The following DMD variants were observed in gnomAD, a reference collection of about 807,000 sequenced individuals.
DMD encodes the protein dystrophin, also known as mutant dystrophin.
DMD carries 63 observed loss-of-function variants against 330.1 expected under a neutral mutation model. The observed-to-expected ratio is 0.19, with a 90% CI of 0.16 to 0.24. DMD has a LOEUF of 0.24. Ranked by LOEUF, DMD falls within the 10% of genes least tolerant of loss-of-function variation. DMD has a pLI of 1.00. For missense variants in DMD, 3,344 were observed against 2,684.1 expected, an observed-to-expected ratio of 1.25 and a Z score of -5.43; for synonymous variants, 1,223 against 959.8, an observed-to-expected ratio of 1.27 and a Z score of -5.07.
chrX:31,153,011 T>C (rs903461909), intron 74 of DMD, among the ~76,000 whole-genome samples: 1 of 112,477 alleles, frequency 8.9e-6, no homozygotes. Flanking sequence ...TTTTCCTCTC[T>C]TTTTAAACTC....
intron 43 of DMD, among the ~76,000 whole-genome samples, chrX:32,233,613 T>G (rs1287592191): frequency 9.9e-6 from 1 of 100,512 alleles, no homozygotes; most frequent in African/African-American, 3.7e-5. Context: ...ATTTATTTAT[T>G]TATTTATTTA....
At chrX:31,400,786 T>TAGC (rs1455380781) in intron 60 of DMD, among the ~76,000 whole-genome samples, 10 of 112,278 alleles carry the variant, frequency 8.9e-5, no homozygotes, top group Admixed American at 8.5e-4. Context: ...CTTTTCGACT[T>TAGC]AGCAGGACAA....
intron 34 of DMD, among the ~76,000 whole-genome samples, chrX:32,367,451 G>T (rs1374785041): frequency 8.9e-6 from 1 of 112,185 alleles, no homozygotes; most frequent in Admixed American, 9.4e-5. Context: ...TTTATATTTG[G>T]ATTACTAATT....
chrX:31,684,323 T>G (rs73617099), intron 52 of DMD, among the ~76,000 whole-genome samples: 2,736 of 111,949 alleles, frequency 0.024, 98 homozygotes, highest in African/African-American at 0.084. Flanking sequence ...AGGTATTGAT[T>G]GGGGAAAATG....
At chrX:32,813,131 C>A (rs966842203) in intron 6 of DMD, among the ~76,000 whole-genome samples, 2 of 111,798 alleles carry the variant, frequency 1.8e-5, no homozygotes, top group Admixed American at 9.6e-5. Context: ...TTTATTTGAG[C>A]TTTGGCATTC....
intron 55 of DMD, among the ~76,000 whole-genome samples, chrX:31,525,607 T>A (rs1459766847): frequency 8.9e-6 from 1 of 112,086 alleles, no homozygotes; most frequent in African/African-American, 3.2e-5. Context: ...TCAAGTAAAA[T>A]AACATCTTTG....
chrX:32,690,339 T>G (rs911909879), intron 9 of DMD, among the ~76,000 whole-genome samples: 2 of 111,095 alleles, frequency 1.8e-5, no homozygotes, highest in Non-Finnish European at 3.8e-5. Flanking sequence ...AAAACATTGA[T>G]GAAAGAAATT....
intron 76 of DMD, among the ~76,000 whole-genome samples, chrX:31,142,102 G>C (rs892736522): frequency 8.9e-6 from 1 of 111,973 alleles, no homozygotes; most frequent in Non-Finnish European, 1.9e-5. Context: ...AGACTACAGG[G>C]ACATCACTGA....
At chrX:31,959,544 C>T (rs1210742121) in intron 45 of DMD, among the ~76,000 whole-genome samples, 1 of 111,413 alleles carries the variant, frequency 9.0e-6, no homozygotes, top group African/African-American at 3.3e-5. Flanking sequence ...GAGACTTTTC[C>T]TGGAGTAAAA....
At chrX:32,380,729 A>G (rs776242176) in intron 33 of DMD, 49 bp from the exon 34 acceptor site, 3 of 1,090,136 alleles carry the variant, frequency 2.8e-6, no homozygotes, top group Non-Finnish European at 3.8e-6. Flanking sequence ...TTTAATTCAA[A>G]TTTCGTTATA....
intron 44 of DMD, among the ~76,000 whole-genome samples, chrX:32,174,935 G>C (rs975600983): frequency 1.8e-5 from 2 of 111,445 alleles, no homozygotes; most frequent in Non-Finnish European, 3.8e-5. Context: ...AATATATAGA[G>C]AGCCTCTTTT....
intron 7 of DMD, among the ~76,000 whole-genome samples, chrX:32,774,690 C>A (rs987660772): frequency 3.6e-5 from 4 of 110,759 alleles, no homozygotes; most frequent in African/African-American, 1.3e-4. Flanking sequence ...CCCAAATGAT[C>A]CAATATCCCA....
At chrX:31,909,519 A>G (rs1483165140) in intron 47 of DMD, among the ~76,000 whole-genome samples, 7 of 69,673 alleles carry the variant, frequency 1.0e-4, no homozygotes, top group African/African-American at 1.6e-4. Flanking sequence ...GAGAAATGTG[A>G]AAAAAAAAAA....
intron 42 of DMD, among the ~76,000 whole-genome samples, chrX:32,304,614 A>C (rs1293139804): frequency 9.0e-6 from 1 of 111,572 alleles, no homozygotes; most frequent in African/African-American, 3.2e-5. Context: ...GTACTATGGA[A>C]ATAATTTAAG....
chrX:33,322,613 T>C (rs1437156000), intron 1 of DMD, among the ~76,000 whole-genome samples: 1 of 111,670 alleles, frequency 9.0e-6, no homozygotes, highest in East Asian at 2.8e-4. Context: ...TTAATCTTTC[T>C]ATGCTTTCAG....
intron 55 of DMD, among the ~76,000 whole-genome samples, chrX:31,550,949 G>A (rs962192595): frequency 8.9e-6 from 1 of 112,053 alleles, no homozygotes; most frequent in Non-Finnish European, 1.9e-5. Context: ...GGGAGGCCAA[G>A]GCGGGCGGAT....
chrX:31,602,166 G>A (rs148778406), intron 55 of DMD, among the ~76,000 whole-genome samples: 3 of 110,581 alleles, frequency 2.7e-5, no homozygotes, highest in East Asian at 5.7e-4. Context: ...AAAGGAAGAC[G>A]CCACCCCTTG....
At chrX:32,933,363 G>A (rs770440412) in intron 2 of DMD, among the ~76,000 whole-genome samples, 126 of 111,215 alleles carry the variant, frequency 1.1e-3, no homozygotes, top group Non-Finnish European at 2.0e-3. Flanking sequence ...GTGATTAGAT[G>A]TGAAAAAAAA....
intron 2 of DMD, among the ~76,000 whole-genome samples, chrX:32,918,308 T>C (rs751874359): frequency 2.7e-5 from 3 of 111,974 alleles, no homozygotes; most frequent in African/African-American, 9.7e-5. Flanking sequence ...ATCTAAGTCC[T>C]ATTTAATCAA....
Sources: allele counts gnomAD v4.1 joint callset (sites outside exome capture counted in the v4.1 genomes callset), GRCh38; gene constraint gnomAD v4.1.1; transcripts MANE v1.5; gene names NCBI Gene and HGNC (gene_info 2026-07-23, HGNC 2026-07-21).